The following LIPA variants were observed in gnomAD, a reference collection of about 807,000 sequenced individuals.
LIPA encodes the protein lipase A, lysosomal acid type, also known as lysosomal acid lipase/cholesteryl ester hydrolase.
Under a neutral mutation model 40.6 loss-of-function variants are expected in LIPA, and 26 were observed. The ratio of observed to expected loss-of-function variants is 0.64; its 90% CI spans 0.47 to 0.89. The LOEUF (loss-of-function observed/expected upper bound fraction) is 0.89, where lower values mean the gene tolerates loss of function less well. Ranked by LOEUF, LIPA falls within the 40% of genes least tolerant of loss-of-function variation. The pLI is 0.00. For missense variants in LIPA, 455 were observed against 479.6 expected, an observed-to-expected ratio of 0.95 and a Z score of 0.48; for synonymous variants, 188 against 168.4, an observed-to-expected ratio of 1.12 and a Z score of -0.90.
chr10:89,282,914 A>C (rs542716460), intron 1 of LIPA, among the ~76,000 whole-genome samples: 1 of 152,366 alleles, frequency 6.6e-6, no homozygotes, highest in Admixed American at 6.5e-5. Flanking sequence ...GTCCTTGGGC[A>C]TATCACTTAA....
At chr10:89,276,780 C>T (rs1843291251) in intron 1 of LIPA, among the ~76,000 whole-genome samples, 1 of 152,168 alleles carries the variant, frequency 6.6e-6, no homozygotes, top group Non-Finnish European at 1.5e-5. Context: ...TTAATCCTGA[C>T]AACTCCATTA....
intron 1 of LIPA, chr10:89,332,608 A>C (rs763665270): frequency 2.5e-6 from 4 of 1,614,126 alleles, no homozygotes. Flanking sequence ...TCAGAACTGC[A>C]GGGAAACAGC....
intron 2 of LIPA, among the ~76,000 whole-genome samples, chr10:89,376,014 C>G (rs1354024001): frequency 2.6e-5 from 4 of 151,670 alleles, no homozygotes; most frequent in Non-Finnish European, 4.4e-5. Context: ...TGGTGAAACC[C>G]CATCTCTACT....
intron 1 of LIPA, among the ~76,000 whole-genome samples, chr10:89,315,769 T>C (rs1843538227): frequency 1.3e-5 from 2 of 152,150 alleles, no homozygotes; most frequent in African/African-American, 4.8e-5. Context: ...CCTGGCTTCG[T>C]ATGTTTAGTG....
intron 2 of LIPA, among the ~76,000 whole-genome samples, chr10:89,381,802 T>C (rs1276973483): frequency 2.0e-5 from 3 of 152,224 alleles, no homozygotes; most frequent in Admixed American, 2.0e-4. Flanking sequence ...ATTAATTTTT[T>C]TGAGACAGAG....
chr10:89,259,462 G>A (rs924256339), intron 1 of LIPA, among the ~76,000 whole-genome samples: 31 of 152,266 alleles, frequency 2.0e-4, no homozygotes, highest in African/African-American at 3.1e-4. Flanking sequence ...CTCTTTCATC[G>A]CTGATGGGAA....
At chr10:89,234,747 T>G (rs1842883996) in intron 3 of LIPA, among the ~76,000 whole-genome samples, 1 of 152,266 alleles carries the variant, frequency 6.6e-6, no homozygotes, top group Admixed American at 6.5e-5. Context: ...AACCTATTGC[T>G]GTTCACATCT....
intron 2 of LIPA, among the ~76,000 whole-genome samples, chr10:89,374,098 A>G (rs1382251758): frequency 6.6e-6 from 1 of 152,222 alleles, no homozygotes; most frequent in Non-Finnish European, 1.5e-5. Context: ...CCAAGGTTGT[A>G]AACCACTGTT....
intron 1 of LIPA, among the ~76,000 whole-genome samples, chr10:89,329,774 CAAG>C (rs1843631973): frequency 6.6e-6 from 1 of 152,142 alleles, no homozygotes; most frequent in Non-Finnish European, 1.5e-5. Context: ...TGGTTTCATG[CAAG>C]TCCGTGTGAA....
intron 1 of LIPA, among the ~76,000 whole-genome samples, chr10:89,281,865 T>G (rs557863747): frequency 6.6e-6 from 1 of 152,364 alleles, no homozygotes; most frequent in South Asian, 2.1e-4. Context: ...GGCCAGCTAC[T>G]GAGAACTATA....
At chr10:89,289,286 C>T (rs1251233951) in intron 1 of LIPA, among the ~76,000 whole-genome samples, 1 of 152,232 alleles carries the variant, frequency 6.6e-6, no homozygotes, top group East Asian at 1.9e-4. Flanking sequence ...TAGCCCACCT[C>T]TTAGAACCTC....
At chr10:89,250,578 G>A (rs922835493) in intron 1 of LIPA, among the ~76,000 whole-genome samples, 1 of 152,150 alleles carries the variant, frequency 6.6e-6, no homozygotes, top group African/African-American at 2.4e-5. Flanking sequence ...AGAATAAGGA[G>A]TAAATTGAAA....
intron 4 of LIPA, among the ~76,000 whole-genome samples, chr10:89,227,309 C>G (rs1266034276): frequency 6.6e-6 from 1 of 152,202 alleles, no homozygotes; most frequent in Non-Finnish European, 1.5e-5. Context: ...CCATTTTTTG[C>G]TGCATATAAT....
intron 2 of LIPA, among the ~76,000 whole-genome samples, chr10:89,374,192 G>A (rs1844107922): frequency 6.6e-6 from 1 of 152,234 alleles, no homozygotes; most frequent in Admixed American, 6.5e-5. Context: ...GTCGAACACA[G>A]AGCTGGTTCT....
At chr10:89,382,316 G>A (rs1176144477) in intron 2 of LIPA, among the ~76,000 whole-genome samples, 1 of 152,126 alleles carries the variant, frequency 6.6e-6, no homozygotes, top group Admixed American at 6.6e-5. Flanking sequence ...AATTAGTTTA[G>A]AACACAGAGG....
At chr10:89,257,152 C>T (rs1843185627) in intron 1 of LIPA, among the ~76,000 whole-genome samples, 1 of 152,228 alleles carries the variant, frequency 6.6e-6, no homozygotes, top group Non-Finnish European at 1.5e-5. Context: ...GCTGAATAGA[C>T]ATCCTTGCAG....
At chr10:89,258,861 A>G (rs957492245) in intron 1 of LIPA, among the ~76,000 whole-genome samples, 2 of 152,236 alleles carry the variant, frequency 1.3e-5, no homozygotes, top group African/African-American at 4.8e-5. Context: ...ATACAATGGA[A>G]TATTCTTCTA....
In LIPA at chr10:89,402,438, C is replaced by T. The variant is rs143987011; in HGVS notation, c.61+10353G>A. On this transcript the variant is annotated intron_variant, in intron 2 of 8. Coordinates refer to the LIPA transcript ENST00000371837. ...AGACACCAAATACAGTGTGGGAATA[C>T]ACAACCTACTAGCCTATGTGAAACA... The T allele has an allele frequency of 8.7e-6, 14 of 1,614,174 alleles. No homozygotes were observed. Among genetic ancestry groups the T allele is most frequent in the Middle Eastern group, 1.6e-4 (1 of 6,062 alleles).
chr10:89,337,594 T>G (rs1843763677), intron 1 of LIPA, among the ~76,000 whole-genome samples: 2 of 152,180 alleles, frequency 1.3e-5, no homozygotes, highest in Admixed American at 6.5e-5. Context: ...GAGGCAGGCT[T>G]TCGCCATGTT....
Sources: allele counts gnomAD v4.1 joint callset (sites outside exome capture counted in the v4.1 genomes callset), GRCh38; gene constraint gnomAD v4.1.1; transcripts MANE v1.5; gene names NCBI Gene and HGNC (gene_info 2026-07-23, HGNC 2026-07-21).